The following RGS7 variants were observed in gnomAD, a reference collection of about 807,000 sequenced individuals.
The protein encoded by RGS7 is regulator of G protein signaling 7.
RGS7 carries 27 observed loss-of-function variants against 81.1 expected under a neutral mutation model. That is an observed-to-expected ratio of 0.33 (90% confidence interval 0.25 to 0.46). RGS7 has a LOEUF of 0.46. Among genes scored for constraint, RGS7 ranks in the 20% least tolerant of loss-of-function variants. RGS7 has a pLI of 1.00. For synonymous variants in RGS7, 208 were observed against 207.7 expected, an observed-to-expected ratio of 1.00 and a Z score of -0.01; for missense variants, 396 against 607.4, an observed-to-expected ratio of 0.65 and a Z score of 3.66.
chr1:240,782,924 T>C (rs369907036), intron 18 of RGS7, among the ~76,000 whole-genome samples: 2 of 152,202 alleles, frequency 1.3e-5, no homozygotes, highest in Non-Finnish European at 2.9e-5. Flanking sequence ...AAACAGATTA[T>C]AGTGGAAACA....
At chr1:241,265,490 G>A (rs1166386988) in intron 2 of RGS7, among the ~76,000 whole-genome samples, 4 of 152,186 alleles carry the variant, frequency 2.6e-5, no homozygotes, top group Non-Finnish European at 5.9e-5. Context: ...GGAGGTGTAG[G>A]TAGCCAGAGG....
Position 241,155,156 on chromosome 1 carries a change from CT to C in RGS7, c.79-56395del, listed in dbSNP as rs562986644. On this transcript the variant is annotated intron_variant, in intron 2 of 18. Coordinates refer to ENST00000440928, the MANE Select transcript of RGS7 (RefSeq NM_001364886.1). ...ATTTTTTCAGTCAGGGTCTCACTGTCTTGCCTATGCTGGAGTGCAGTGGCAA... is the reference window on the plus strand; with the variant it reads ...ATTTTTTCAGTCAGGGTCTCACTGTCTGCCTATGCTGGAGTGCAGTGGCAA... Among the ~76,000 whole-genome samples the C allele has an allele frequency of 1.1e-3, 171 of 152,312 alleles. 1 individual carries two copies. Among genetic ancestry groups the C allele is most frequent in the African/African-American group, 4.0e-3 (166 of 41,572 alleles).
chr1:241,097,906 G>A (rs2064395373), intron 3 of RGS7, among the ~76,000 whole-genome samples: 1 of 152,040 alleles, frequency 6.6e-6, no homozygotes. Context: ...AAATCCATTG[G>A]GCTATGTCTT....
At chr1:240,808,032 T>C (rs1381180079) in intron 14 of RGS7, among the ~76,000 whole-genome samples, 4 of 108,140 alleles carry the variant, frequency 3.7e-5, no homozygotes, top group South Asian at 2.8e-4. Flanking sequence ...CAAAACTTCA[T>C]CTCAAAAAAA....
At chr1:241,037,577 C>T (rs958479191) in intron 3 of RGS7, among the ~76,000 whole-genome samples, 8 of 151,940 alleles carry the variant, frequency 5.3e-5, no homozygotes, top group East Asian at 1.9e-4. Flanking sequence ...AAAAATTAGC[C>T]AGGTGTGGTG....
At chr1:241,182,195 T>G (rs1160923669) in intron 2 of RGS7, among the ~76,000 whole-genome samples, 2 of 152,144 alleles carry the variant, frequency 1.3e-5, no homozygotes, top group Admixed American at 1.3e-4. Flanking sequence ...CCATGCGCAA[T>G]AGGCACAGCT....
intron 2 of RGS7, among the ~76,000 whole-genome samples, chr1:241,168,618 A>G (rs2070465450): frequency 6.6e-6 from 1 of 152,166 alleles, no homozygotes; most frequent in South Asian, 2.1e-4. Flanking sequence ...GGGATTTTGC[A>G]GATTTTGTTC....
At chr1:241,282,366 T>C (rs1036333536) in intron 2 of RGS7, among the ~76,000 whole-genome samples, 8 of 152,226 alleles carry the variant, frequency 5.3e-5, no homozygotes, top group Non-Finnish European at 1.0e-4. Context: ...GTCCTCACAT[T>C]CATTACTATA....
chr1:241,107,117 T>C (rs941408826), intron 2 of RGS7, among the ~76,000 whole-genome samples: 1 of 152,188 alleles, frequency 6.6e-6, no homozygotes, highest in African/African-American at 2.4e-5. Flanking sequence ...GTGGGTCTCA[T>C]AAGCAGCCCG....
chr1:240,865,363 T>A lies in RGS7; in HGVS notation c.609+3224A>T, dbSNP rs182414251. 2.4e-3 allele frequency among the ~76,000 whole-genome samples: 367 copies of A among 152,298 alleles called. 3 individuals carry two copies. The highest frequency in any genetic ancestry group is 8.1e-3 in the African/African-American group (338 of 41,552). On this transcript the variant is annotated intron_variant, in intron 9 of 18. Transcript: ENST00000440928. ...GGACATCTTCTGGTGAGGGGCGGTA[T>A]GCAATATCAGGCCCCAGGCCATACC...
At chr1:241,054,892 C>T (rs2148816734) in intron 3 of RGS7, among the ~76,000 whole-genome samples, 1 of 152,270 alleles carries the variant, frequency 6.6e-6, no homozygotes, top group South Asian at 2.1e-4. Flanking sequence ...CTACTTAAAA[C>T]ACTCCAGTGG....
chr1:240,805,328 G>A (rs1285876270), intron 15 of RGS7, among the ~76,000 whole-genome samples: 1 of 152,164 alleles, frequency 6.6e-6, no homozygotes, highest in East Asian at 1.9e-4. Flanking sequence ...AGGCTATAGC[G>A]AGCCATGATC....
chr1:241,289,223 A>C (rs1400260031), intron 2 of RGS7, among the ~76,000 whole-genome samples: 3 of 152,210 alleles, frequency 2.0e-5, no homozygotes, highest in African/African-American at 7.2e-5. Context: ...ATCATGCCTC[A>C]GTGTCCAACA....
intron 6 of RGS7, among the ~76,000 whole-genome samples, chr1:240,875,692 C>T (rs1159862888): frequency 6.6e-6 from 1 of 152,202 alleles, no homozygotes; most frequent in African/African-American, 2.4e-5. Context: ...TTCTCCCCAA[C>T]GCTTGTTACC....
chr1:241,320,366 A>C (rs2081138867), intron 2 of RGS7, among the ~76,000 whole-genome samples: 1 of 152,238 alleles, frequency 6.6e-6, no homozygotes, highest in Admixed American at 6.5e-5. Flanking sequence ...TGAATTTATC[A>C]ACAGTAAGCA....
intron 3 of RGS7, among the ~76,000 whole-genome samples, chr1:241,086,167 C>G (rs542092097): frequency 6.6e-6 from 1 of 152,322 alleles, no homozygotes; most frequent in African/African-American, 2.4e-5. Flanking sequence ...AAATTTCAGA[C>G]CTGTATATCC....
At chr1:241,178,000 G>A (rs1473873917) in intron 2 of RGS7, among the ~76,000 whole-genome samples, 1 of 152,116 alleles carries the variant, frequency 6.6e-6, no homozygotes, top group Non-Finnish European at 1.5e-5. Context: ...CAGGAGTCTA[G>A]GACAGGAAAG....
At chr1:241,277,784 G>T (rs2078275318) in intron 2 of RGS7, among the ~76,000 whole-genome samples, 1 of 152,166 alleles carries the variant, frequency 6.6e-6, no homozygotes, top group Non-Finnish European at 1.5e-5. Flanking sequence ...GTAGAAGAAA[G>T]ATGCATTTGT....
intron 3 of RGS7, among the ~76,000 whole-genome samples, chr1:241,048,920 T>C (rs930431302): frequency 2.6e-5 from 4 of 152,166 alleles, no homozygotes; most frequent in African/African-American, 9.7e-5. Flanking sequence ...TCTTCCTAGA[T>C]TCATTGGGTT....
Sources: allele counts gnomAD v4.1 joint callset (sites outside exome capture counted in the v4.1 genomes callset), GRCh38; gene constraint gnomAD v4.1.1; transcripts MANE v1.5; gene names NCBI Gene and HGNC (gene_info 2026-07-23, HGNC 2026-07-21).